ZNF678: variants seen among roughly 807,000 people sequenced by gnomAD.
The protein encoded by ZNF678 is hypothetical protein MGC42493.
In ZNF678, 5 loss-of-function variants were observed where a neutral mutation model predicts 3.0. That is an observed-to-expected ratio of 1.69 (90% CI 0.88 to 3.56). The LOEUF (loss-of-function observed/expected upper bound fraction) is 3.56. Ranked by LOEUF, ZNF678 falls within the 30% of genes most tolerant of loss-of-function variation. The probability of loss-of-function intolerance (pLI) is 0.00; values close to 1 mark genes in which losing one functional copy is unlikely to be tolerated. For missense variants in ZNF678, 593 were observed against 605.0 expected, an observed-to-expected ratio of 0.98 and a Z score of 0.21; for synonymous variants, 218 against 199.6, an observed-to-expected ratio of 1.09 and a Z score of -0.78.
chr1:227,583,766 A>G (rs1462531587), intron 1 of ZNF678, among the ~76,000 whole-genome samples: 1 of 152,134 alleles, frequency 6.6e-6, no homozygotes, highest in African/African-American at 2.4e-5. Context: ...ACATGTGCAA[A>G]GTTTTGCCAA....
intron 5 of ZNF678, among the ~76,000 whole-genome samples, chr1:227,674,717 C>G (rs955684737): frequency 1.3e-5 from 2 of 151,834 alleles, no homozygotes; most frequent in African/African-American, 2.4e-5. Flanking sequence ...ATTCTCCTGC[C>G]TCAGCCTTCC....
chr1:227,595,155 G>GTTTTTTTTT (rs34323136), intron 1 of ZNF678, among the ~76,000 whole-genome samples: 1 of 148,180 alleles, frequency 6.7e-6, no homozygotes. Context: ...AAGGTACGCT[G>GTTTTTTTTT]TTTTTTTTTT....
chr1:227,637,953 T>A (rs2102787997), intron 1 of ZNF678, among the ~76,000 whole-genome samples: 1 of 152,190 alleles, frequency 6.6e-6, no homozygotes, highest in Non-Finnish European at 1.5e-5. Context: ...CCCTGTTCTG[T>A]CAAGAAGTTT....
intron 5 of ZNF678, among the ~76,000 whole-genome samples, chr1:227,674,635 TC>T (rs1300566071): frequency 6.7e-6 from 1 of 150,070 alleles, no homozygotes; most frequent in Non-Finnish European, 1.5e-5. Context: ...AGAGTTTAAC[TC>T]TTGTTGCCCA....
At chr1:227,576,812 T>TA (rs1297378671) in intron 1 of ZNF678, among the ~76,000 whole-genome samples, 6 of 151,556 alleles carry the variant, frequency 4.0e-5, no homozygotes, top group African/African-American at 9.8e-5. Flanking sequence ...CTAGTCATTT[T>TA]AGTTGTGATG....
intron 5 of ZNF678, among the ~76,000 whole-genome samples, chr1:227,669,660 AT>A (rs1172823234): frequency 2.5e-4 from 37 of 149,818 alleles, no homozygotes; most frequent in African/African-American, 8.6e-4. Context: ...AAAAAAAAAA[AT>A]ACCATCTCCC....
In ZNF678 at chr1:227,634,267, G is replaced by C. The variant is rs1040352581; in HGVS notation, c.-163-12277G>C. On this transcript the variant is annotated intron_variant, in intron 1 of 3. Coordinates refer to ENST00000343776, the MANE Select transcript of ZNF678 (RefSeq NM_001367909.1). ...GACTTCAGGTGACACTTTGAGACTT[G>C]CTGGCTTCAGGTGAGACTCAGCACA... 2.6e-5 allele frequency among the ~76,000 whole-genome samples: 4 copies of C among 152,186 alleles called. No homozygotes were observed. The East Asian group carries it at 7.7e-4, about 29-fold the overall frequency.
intron 1 of ZNF678, among the ~76,000 whole-genome samples, chr1:227,615,296 A>G (rs956156774): frequency 1.3e-5 from 2 of 152,230 alleles, no homozygotes; most frequent in African/African-American, 2.4e-5. Context: ...GTTTCAGGTC[A>G]TGTTTAGTTT....
chr1:227,647,306 T>C (rs1248964432), intron 2 of ZNF678, among the ~76,000 whole-genome samples: 1 of 152,184 alleles, frequency 6.6e-6, no homozygotes, highest in Non-Finnish European at 1.5e-5. Context: ...TTCTAAATAT[T>C]GTATAGTTAA....
At chr1:227,627,629 T>A (rs917436588) in intron 1 of ZNF678, among the ~76,000 whole-genome samples, 7 of 152,214 alleles carry the variant, frequency 4.6e-5, no homozygotes, top group African/African-American at 1.7e-4. Context: ...TCTATATTGC[T>A]GCATGGGCAT....
downstream of ZNF678, among the ~76,000 whole-genome samples, chr1:227,677,770 A>G (rs1659709328): frequency 6.6e-6 from 1 of 152,252 alleles, no homozygotes; most frequent in East Asian, 1.9e-4. Context: ...CCCAGCTGGG[A>G]TAATGTATGG....
rs748031366 is a variant in ZNF678 at position 227,646,568 on chromosome 1, G to T, written c.-139G>T. 3 of 1,371,644 alleles carry T rather than the reference G, an allele frequency of 2.2e-6. No homozygotes were observed. In the Admixed American group the frequency reaches 5.7e-5, roughly 26 times the overall value. The allele number at this position is 1,371,644 out of a possible 1,614,324, so 85.0% of individuals were successfully genotyped here. A position where few individuals can be genotyped will look rare whatever the true frequency, so the allele number is the denominator to read the frequency against. ...GGGACTACTGGCATTCAGTGATGTG[G>T]TCATAGAATTCTCTCCAGAGGAGTG... On this transcript the variant is annotated 5_prime_UTR_variant, in exon 2 of 4. Transcript: ENST00000343776.
chr1:227,577,179 T>C (rs537338135), intron 1 of ZNF678, among the ~76,000 whole-genome samples: 11 of 152,364 alleles, frequency 7.2e-5, no homozygotes, highest in African/African-American at 2.2e-4. Flanking sequence ...GATTTTACAG[T>C]ATGTGCCATG....
chr1:227,600,021 C>T (rs375407797), intron 1 of ZNF678, among the ~76,000 whole-genome samples: 11 of 152,038 alleles, frequency 7.2e-5, no homozygotes, highest in Non-Finnish European at 1.0e-4. Context: ...TCTATGTGTC[C>T]GTGTGTTCTC....
intron 1 of ZNF678, among the ~76,000 whole-genome samples, chr1:227,607,303 CTGTT>C (rs1423268711): frequency 6.6e-6 from 1 of 152,110 alleles, no homozygotes; most frequent in Non-Finnish European, 1.5e-5. Flanking sequence ...TTGAGGCTGT[CTGTT>C]AATACCCTCT....
Position 227,635,555 on chromosome 1 carries a change from G to GTC in ZNF678, c.-163-10988_-163-10987insCT, listed in dbSNP as rs1219004236. On this transcript the variant is annotated intron_variant, in intron 1 of 3. Transcript: ENST00000343776. ...TGTGTGTGTGTGTGTGTGTGTGTGTGTGTGTGTGTAGCAACATGCTGTTTT... is the reference window on the plus strand; with the variant it reads ...TGTGTGTGTGTGTGTGTGTGTGTGTGTCTGTGTGTGTAGCAACATGCTGTTTT... 2.7e-5 allele frequency among the ~76,000 whole-genome samples: 4 copies of GTC among 149,426 alleles called. No individual in the cohort carries two copies. The East Asian group carries it at 7.7e-4, about 29-fold the overall frequency.
At chr1:227,593,869 T>G (rs1297199498) in intron 1 of ZNF678, among the ~76,000 whole-genome samples, 3 of 13,898 alleles carry the variant, frequency 2.2e-4, no homozygotes, top group African/African-American at 5.3e-4. Context: ...CCCCCCCCCT[T>G]TTTTTTTTTT....
At chr1:227,567,225 T>C (rs1004823302) in intron 1 of ZNF678, among the ~76,000 whole-genome samples, 22 of 152,216 alleles carry the variant, frequency 1.4e-4, no homozygotes, top group Non-Finnish European at 1.0e-4. Flanking sequence ...AATAGACACT[T>C]TTGCCTTTCC....
rs559562717 is a variant in ZNF678, at chr1:227,589,754, A to G, written c.-164+26030A>G. Reference sequence around the variant, plus strand: ...ACAATGTCTGGAATCTATAGATAACATAACAGGTTAGGTCAGGGGTCGATC... The same window carrying G: ...ACAATGTCTGGAATCTATAGATAACGTAACAGGTTAGGTCAGGGGTCGATC... On this transcript the variant is annotated intron_variant, in intron 1 of 3. Coordinates refer to ENST00000343776, the MANE Select transcript of ZNF678 (RefSeq NM_001367909.1). Among the ~76,000 whole-genome samples the G allele has an allele frequency of 7.4e-4, 112 of 151,940 alleles. 5 individuals carry two copies. Among genetic ancestry groups the G allele is most frequent in the African/African-American group, 2.4e-3 (101 of 41,330 alleles).
Sources: allele counts gnomAD v4.1 joint callset (sites outside exome capture counted in the v4.1 genomes callset), GRCh38; gene constraint gnomAD v4.1.1; transcripts MANE v1.5; gene names NCBI Gene and HGNC (gene_info 2026-07-23, HGNC 2026-07-21).